CDH22: variants seen among roughly 807,000 people sequenced by gnomAD.
The protein encoded by CDH22 is cadherin 22, also known as cadherin-22.
CDH22 carries 30 observed loss-of-function variants against 58.4 expected under a neutral mutation model. The ratio of observed to expected loss-of-function variants is 0.51; its 90% CI spans 0.38 to 0.70. The LOEUF (loss-of-function observed/expected upper bound fraction) is 0.70, where lower values mean the gene tolerates loss of function less well. Among genes scored for constraint, CDH22 ranks in the 30% least tolerant of loss-of-function variants. The pLI is 0.00. For synonymous variants in CDH22, 513 were observed against 558.2 expected (o/e 0.92, Z 1.14); for missense variants, 1,014 against 1,233.9 (o/e 0.82, Z 2.67).
intron 8 of CDH22, among the ~76,000 whole-genome samples, chr20:46,189,353 CT>C (rs2085848185): frequency 6.6e-6 from 1 of 152,134 alleles, no homozygotes; most frequent in East Asian, 1.9e-4. Context: ...ACGGTCGGTG[CT>C]TTTGGGAAGA....
intron 1 of CDH22, among the ~76,000 whole-genome samples, chr20:46,258,809 C>T (rs748583803): frequency 6.6e-6 from 1 of 152,158 alleles, no homozygotes; most frequent in Admixed American, 6.5e-5. Context: ...GAGGCAGGCA[C>T]GATGTGAGAA....
intron 5 of CDH22, among the ~76,000 whole-genome samples, chr20:46,215,058 T>A (rs1345638652): frequency 1.3e-5 from 2 of 152,272 alleles, no homozygotes; most frequent in East Asian, 1.9e-4. Context: ...TCAGTGAGGA[T>A]GTGGTACAAT....
chr20:46,244,372 C>T (rs1291526107), intron 2 of CDH22, among the ~76,000 whole-genome samples: 1 of 152,168 alleles, frequency 6.6e-6, no homozygotes, highest in Non-Finnish European at 1.5e-5. Context: ...GAATTCAGGC[C>T]CAGCTGGGGT....
chr20:46,189,610 G>A (rs1437190861), intron 8 of CDH22, among the ~76,000 whole-genome samples: 2 of 152,174 alleles, frequency 1.3e-5, no homozygotes, highest in Non-Finnish European at 2.9e-5. Context: ...CCCCATTATA[G>A]CACCTTTGCT....
intron 3 of CDH22, among the ~76,000 whole-genome samples, chr20:46,229,669 G>A (rs2086205097): frequency 6.6e-6 from 1 of 152,172 alleles, no homozygotes; most frequent in Admixed American, 6.5e-5. Context: ...ATAAGTGCAG[G>A]TTGTTGTTGT....
intron 1 of CDH22, among the ~76,000 whole-genome samples, chr20:46,273,781 G>C (rs192217700): frequency 2.6e-5 from 4 of 152,354 alleles, no homozygotes; most frequent in Admixed American, 2.6e-4. Context: ...CTCACAGGAA[G>C]TGGACATTGT....
Position 46,251,296 on chromosome 20 carries a change from C to A in CDH22, c.-2G>T. The A allele has an allele frequency of 6.9e-7, 1 of 1,449,746 alleles. No individual in the cohort carries two copies. Among genetic ancestry groups the A allele is most frequent in the South Asian group, 1.4e-5 (1 of 73,520 alleles). 89.8% of individuals were successfully genotyped at this position (1,449,746 alleles called of 1,614,324 possible). On this transcript the variant is annotated 5_prime_UTR_variant, in exon 2 of 12. The change creates a new upstream start codon in the 5' untranslated region. Coordinates refer to ENST00000537909, the MANE Select transcript of CDH22 (RefSeq NM_021248.3). The surrounding 1 kb of genome is among the most constrained non-coding windows in gnomAD (Gnocchi z 6.7). ...CCTACCTTCGGGCCTCGGCCTCATC[C>A]TTGGCCTGCGCGGGGCTGGGGCCCA...
chr20:46,189,599 C>T (rs1600687992), intron 8 of CDH22, among the ~76,000 whole-genome samples: 1 of 152,158 alleles, frequency 6.6e-6, no homozygotes, highest in South Asian at 2.1e-4. Flanking sequence ...GCAGATGAGA[C>T]CCCCATTATA....
intron 8 of CDH22, among the ~76,000 whole-genome samples, chr20:46,197,095 G>A (rs1328955171): frequency 1.3e-5 from 2 of 152,048 alleles, no homozygotes; most frequent in Admixed American, 1.3e-4. Flanking sequence ...ACAGCAGAGA[G>A]TGCCCAGAAA....
At chr20:46,198,349 C>T (rs1208571641) in intron 8 of CDH22, among the ~76,000 whole-genome samples, 1 of 150,938 alleles carries the variant, frequency 6.6e-6, no homozygotes, top group Non-Finnish European at 1.5e-5. Context: ...TCCAGAAACT[C>T]AGGCCAAACA....
At chr20:46,211,231 A>G (rs2086041061) in intron 6 of CDH22, among the ~76,000 whole-genome samples, 1 of 152,228 alleles carries the variant, frequency 6.6e-6, no homozygotes, top group African/African-American at 2.4e-5. Flanking sequence ...GTCTAAAGAC[A>G]CTGCCTATAG....
At chr20:46,298,708 G>A (rs892621582) in intron 1 of CDH22, among the ~76,000 whole-genome samples, 1 of 152,112 alleles carries the variant, frequency 6.6e-6, no homozygotes, top group Non-Finnish European at 1.5e-5. Context: ...TAGATGGGAT[G>A]CTGGCTGGAT....
chr20:46,283,950 C>T (rs75526589), intron 1 of CDH22, among the ~76,000 whole-genome samples: 1 of 152,284 alleles, frequency 6.6e-6, no homozygotes, highest in African/African-American at 2.4e-5. Context: ...TCACAGCTAA[C>T]AAACGGCTGT....
intron 1 of CDH22, among the ~76,000 whole-genome samples, chr20:46,266,804 G>GC (rs112004162): frequency 8.7e-4 from 132 of 152,234 alleles, no homozygotes; most frequent in African/African-American, 3.1e-3. Flanking sequence ...ACAGGGTCAT[G>GC]CCGGTGTATA....
At chr20:46,231,557 C>T (rs1182534409) in intron 3 of CDH22, among the ~76,000 whole-genome samples, 2 of 152,174 alleles carry the variant, frequency 1.3e-5, no homozygotes, top group Non-Finnish European at 2.9e-5. Context: ...CCCAGGGACA[C>T]ATCATTAGTA....
At chr20:46,284,250 CA>C (rs1449596635) in intron 1 of CDH22, among the ~76,000 whole-genome samples, 1 of 152,020 alleles carries the variant, frequency 6.6e-6, no homozygotes, top group East Asian at 1.9e-4. Context: ...CAAAGACCAC[CA>C]GGGGGACAAA....
Position 46,210,292 on chromosome 20 carries a change from G to A in CDH22, c.1286+15C>T, listed in dbSNP as rs1393122002. 6 of 1,395,280 alleles carry A rather than the reference G, an allele frequency of 4.3e-6. No individual in the cohort carries two copies. Among genetic ancestry groups the A allele is most frequent in the South Asian group, 1.5e-5 (1 of 65,088 alleles). The allele number at this position is 1,395,280 out of a possible 1,614,324, so 86.4% of individuals were successfully genotyped here. On this transcript the variant is annotated intron_variant, in intron 7 of 11. Transcript: ENST00000537909. The surrounding 1 kb of genome is among the most constrained non-coding windows in gnomAD (Gnocchi z 4.5). Reference sequence around the variant, plus strand: ...ATAGCAGGCAGCAGGCGTCGGCCCCGGGCGGGGGTCTCACCGGACGGGCCG... The same window carrying A: ...ATAGCAGGCAGCAGGCGTCGGCCCCAGGCGGGGGTCTCACCGGACGGGCCG...
At chr20:46,219,586 A>G (rs2086109639) in intron 4 of CDH22, among the ~76,000 whole-genome samples, 2 of 152,220 alleles carry the variant, frequency 1.3e-5, no homozygotes, top group Non-Finnish European at 2.9e-5. Context: ...CCTTAGTTCC[A>G]AAACTGTCTC....
intron 4 of CDH22, among the ~76,000 whole-genome samples, chr20:46,222,692 A>G (rs2145703443): frequency 6.6e-6 from 1 of 152,320 alleles, no homozygotes; most frequent in East Asian, 1.9e-4. Flanking sequence ...AAATGCTGCA[A>G]AAGGGGCCCT....
Sources: allele counts gnomAD v4.1 joint callset (sites outside exome capture counted in the v4.1 genomes callset), GRCh38; gene constraint gnomAD v4.1.1; non-coding constraint Gnocchi (gnomAD v3.1); transcripts MANE v1.5; gene names NCBI Gene and HGNC (gene_info 2026-07-23, HGNC 2026-07-21).